STXBP5: variants seen among roughly 807,000 people sequenced by gnomAD.
STXBP5 encodes syntaxin-binding protein 5.
STXBP5 carries 50 observed loss-of-function variants against 152.4 expected under a neutral mutation model. That is an observed-to-expected ratio of 0.33 (90% confidence interval 0.26 to 0.42). STXBP5 has a LOEUF of 0.42. Among genes scored for constraint, STXBP5 ranks in the 10% least tolerant of loss-of-function variants. The pLI is 1.00. For synonymous variants in STXBP5, 492 were observed against 494.7 expected (o/e 0.99, Z 0.07); for missense variants, 1,167 against 1,388.6 (o/e 0.84, Z 2.54).
At position 147,316,290 on chromosome 6, in the gene STXBP5, C is replaced by A. The variant is rs760779761; in HGVS notation, c.1685C>A (p.Pro562Gln). The stretch of plus-strand genomic sequence containing the variant: ...GTGGAAACTCCGGAGGGTGAGCAGC[C>A]ACCACCTTTGCCAACACCCGTGGGA... ...NDVETPEGEQ[P>Q]PPLPTPVGGS... Residue 562 changes from proline to glutamine, a missense_variant, in exon 16 of 28, where the codon CCA becomes CAA. By Grantham distance (76) the Pro-to-Gln change is moderately conservative. Around this residue, in one of 3 missense-constraint regions of STXBP5, gnomAD observed 833 missense variants for 986.3 expected, o/e 0.84. Transcript: ENST00000321680. 12 of 1,613,788 alleles carry A rather than the reference C, an allele frequency of 7.4e-6. 1 individual carries two copies. In the South Asian group the frequency reaches 1.2e-4, roughly 16 times the overall value.
At chr6:147,311,641 C>G (rs1782381827) in intron 11 of STXBP5, 114 bp downstream of exon 11, 1 of 746,126 alleles carries the variant, frequency 1.3e-6, no homozygotes, top group South Asian at 2.0e-5. Context: ...ATATCCATAA[C>G]CTTGACCTCT....
intron 8 of STXBP5, among the ~76,000 whole-genome samples, chr6:147,288,202 T>C (rs1244136096): frequency 3.9e-5 from 6 of 152,164 alleles, no homozygotes; most frequent in Non-Finnish European, 7.4e-5. Context: ...GGGGTAGGGA[T>C]TTTTGTCTCC....
chr6:147,248,798 T>A (rs1392331430), intron 4 of STXBP5, among the ~76,000 whole-genome samples: 1 of 152,168 alleles, frequency 6.6e-6, no homozygotes, highest in Non-Finnish European at 1.5e-5. Flanking sequence ...AGTTCCCAAA[T>A]TAGTTGACCT....
At chr6:147,298,719 G>T (rs1582908306) in intron 9 of STXBP5, among the ~76,000 whole-genome samples, 1 of 151,992 alleles carries the variant, frequency 6.6e-6, no homozygotes, top group East Asian at 1.9e-4. Context: ...TACTCATCAT[G>T]CTCTGAATAG....
At chr6:147,223,547 T>G (rs1777562403) in intron 2 of STXBP5, among the ~76,000 whole-genome samples, 1 of 152,114 alleles carries the variant, frequency 6.6e-6, no homozygotes, top group African/African-American at 2.4e-5. Context: ...AATAGATTAT[T>G]TAGGGAAGGT....
chr6:147,386,588 A>G lies in STXBP5; in HGVS notation c.*1833A>G, dbSNP rs1237240076. 2 of 151,880 alleles carry G rather than the reference A, an allele frequency of 1.3e-5. No homozygotes were observed. Among genetic ancestry groups the G allele is most frequent in the Non-Finnish European group, 2.9e-5 (2 of 67,806 alleles). 9.4% of individuals were successfully genotyped at this position (151,880 alleles called of 1,614,324 possible). ...CCTTTTCAAAAGTTTTTGAATTTATAGAAAGCACCAATGAATAACATATTT... is the reference window on the plus strand; with the variant it reads ...CCTTTTCAAAAGTTTTTGAATTTATGGAAAGCACCAATGAATAACATATTT... On this transcript the variant is annotated 3_prime_UTR_variant, in exon 28 of 28. Transcript: ENST00000321680.
chr6:147,208,221 A>T (rs991597487), intron 2 of STXBP5, among the ~76,000 whole-genome samples: 13 of 152,010 alleles, frequency 8.6e-5, no homozygotes, highest in African/African-American at 3.1e-4. Flanking sequence ...TTTTTATGAG[A>T]TTTCTATGGA....
chr6:147,344,673 G>A (rs2128400943), intron 21 of STXBP5, among the ~76,000 whole-genome samples: 1 of 152,280 alleles, frequency 6.6e-6, no homozygotes, highest in South Asian at 2.1e-4. Flanking sequence ...AATTGGATTA[G>A]GGCTCAGCCT....
chr6:147,382,234 T>C (rs576887811), intron 26 of STXBP5, among the ~76,000 whole-genome samples: 2 of 152,168 alleles, frequency 1.3e-5, no homozygotes, highest in African/African-American at 4.8e-5. Context: ...AATGACAAGA[T>C]AAATGGAGAA....
At chr6:147,356,005 C>A (rs1368548578) in intron 22 of STXBP5, among the ~76,000 whole-genome samples, 1 of 151,924 alleles carries the variant, frequency 6.6e-6, no homozygotes, top group Non-Finnish European at 1.5e-5. Flanking sequence ...AATAAGCAAC[C>A]TATTTCTATC....
rs774370865 is a variant in STXBP5, at chr6:147,213,432, A to ATGTGTGTGTG, written c.248+7365_248+7366insGTGTGTGTGT. On this transcript the variant is annotated intron_variant, in intron 2 of 27. Transcript: ENST00000321680. The stretch of plus-strand genomic sequence containing the variant: ...CCTCACCTGGCTCACATAATTTTAT[A>ATGTGTGTGTG]TATGTGTGTGTGTGTGTGTGTGTGT... Among the ~76,000 whole-genome samples the ATGTGTGTGTG allele has an allele frequency of 6.6e-5, 8 of 121,088 alleles. No homozygotes were observed. In the East Asian group the frequency reaches 8.6e-4, roughly 13 times the overall value. 79.4% of individuals were successfully genotyped at this position (121,088 alleles called of 152,430 possible). A position where few individuals can be genotyped will look rare whatever the true frequency, so the allele number is the denominator to read the frequency against.
At chr6:147,276,887 G>T (rs1246022020) in intron 7 of STXBP5, among the ~76,000 whole-genome samples, 1 of 152,046 alleles carries the variant, frequency 6.6e-6, no homozygotes, top group Non-Finnish European at 1.5e-5. Flanking sequence ...TTAGGAATTA[G>T]AATCGATTAT....
chr6:147,294,878 T>G (rs1487105256), intron 9 of STXBP5, among the ~76,000 whole-genome samples: 1 of 152,216 alleles, frequency 6.6e-6, no homozygotes, highest in African/African-American at 2.4e-5. Flanking sequence ...GATTATGAAG[T>G]AAAATGCACT....
rs998823497 is a variant in STXBP5 at position 147,298,986 on chromosome 6, A to G, written c.917+7814A>G. 7.9e-5 allele frequency among the ~76,000 whole-genome samples: 12 copies of G among 152,162 alleles called. No individual in the cohort carries two copies. In the South Asian group the frequency reaches 2.1e-3, roughly 26 times the overall value. On this transcript the variant is annotated intron_variant, in intron 9 of 27. Coordinates refer to ENST00000321680, the MANE Select transcript of STXBP5 (RefSeq NM_001127715.4). ...AAATAATAATTATCAGAGCCAAAATATACAAAATAGAGACTAAATAAAAAT... is the reference window on the plus strand; with the variant it reads ...AAATAATAATTATCAGAGCCAAAATGTACAAAATAGAGACTAAATAAAAAT...
intron 23 of STXBP5, among the ~76,000 whole-genome samples, chr6:147,360,652 C>T (rs1371918306): frequency 6.6e-6 from 1 of 152,030 alleles, no homozygotes; most frequent in East Asian, 1.9e-4. Flanking sequence ...TTTTCATCTC[C>T]AAGTGTGAAA....
chr6:147,240,246 T>G (rs1160318631), intron 4 of STXBP5, among the ~76,000 whole-genome samples: 1 of 152,122 alleles, frequency 6.6e-6, no homozygotes, highest in Non-Finnish European at 1.5e-5. Flanking sequence ...CTGGCCTTTG[T>G]AGTACTCTTA....
chr6:147,261,223 T>C lies in STXBP5; in HGVS notation c.566+474T>C, dbSNP rs540665286. Among the ~76,000 whole-genome samples, 3 of 152,152 alleles carry C rather than the reference T, an allele frequency of 2.0e-5. No individual in the cohort carries two copies. In the South Asian group the frequency reaches 6.2e-4, roughly 31 times the overall value. On this transcript the variant is annotated intron_variant, in intron 5 of 27. Coordinates refer to ENST00000321680, the MANE Select transcript of STXBP5 (RefSeq NM_001127715.4). ...ATATTATCAAATTAATTTTGTTTGA[T>C]TTTACTTAATTTTGATAAATTTTTA...
At chr6:147,212,432 A>G (rs537689812) in intron 2 of STXBP5, among the ~76,000 whole-genome samples, 2 of 152,344 alleles carry the variant, frequency 1.3e-5, no homozygotes, top group East Asian at 1.9e-4. Context: ...TATTATTAGG[A>G]GATTCTTGTT....
chr6:147,365,640 G>A (rs1785257630), intron 25 of STXBP5, among the ~76,000 whole-genome samples: 1 of 152,064 alleles, frequency 6.6e-6, no homozygotes, highest in Non-Finnish European at 1.5e-5. Flanking sequence ...ACAAAAAATG[G>A]ACTATCTTAA....
Sources: gnomAD v4.1 joint callset for allele counts (sites outside exome capture counted in the v4.1 genomes callset) on GRCh38, gnomAD v4.1.1 for gene constraint, gnomAD v4.1.1 regional missense constraint, MANE v1.5 for transcripts, NCBI Gene and HGNC (gene_info 2026-07-23, HGNC 2026-07-21) for gene names.